ASPRV1: variants seen among roughly 807,000 people sequenced by gnomAD.
ASPRV1 encodes the protein aspartic peptidase retroviral like 1.
A neutral mutation model predicts 11.0 loss-of-function variants in ASPRV1; 7 were observed. The observed-to-expected ratio is 0.64, with a 90% CI of 0.36 to 1.20. The LOEUF is 1.20. ASPRV1 is among the 50% of genes most tolerant of loss of function. The pLI is 0.02. For missense variants in ASPRV1, 299 were observed against 320.0 expected, an observed-to-expected ratio of 0.93 and a Z score of 0.50; for synonymous variants, 136 against 138.4, an observed-to-expected ratio of 0.98 and a Z score of 0.12.
chr2:70,077,962 T>C, the ASPRV1 span, among the ~76,000 whole-genome samples: 2 of 151,416 alleles, frequency 1.3e-5, no homozygotes, highest in South Asian at 2.1e-4. Flanking sequence ...AGGTCAGGAG[T>C]TTGAGACCAG....
chr2:70,075,370 C>CAAAAAAAAAAAAAAAAAAAAAAAA, the ASPRV1 span: 1 of 134,782 alleles, frequency 7.4e-6, no homozygotes, highest in Non-Finnish European at 1.6e-5. Flanking sequence ...AAAAAAAAAG[C>CAAAAAAAAAAAAAAAAAAAAAAAA]AAGCATGAAC....
chr2:69,988,944 A>G, the ASPRV1 span: 1 of 317,466 alleles, frequency 3.1e-6, no homozygotes. Context: ...GTGTATTCTG[A>G]TAAAATTTTA....
chr2:70,017,271 G>A, the ASPRV1 span, among the ~76,000 whole-genome samples: 5 of 152,320 alleles, frequency 3.3e-5, no homozygotes, highest in South Asian at 1.0e-3. Flanking sequence ...GATTACAGGC[G>A]TGAGCCACCA....
the ASPRV1 span, among the ~76,000 whole-genome samples, chr2:69,972,632 A>G: frequency 6.6e-6 from 1 of 152,142 alleles, no homozygotes; most frequent in African/African-American, 2.4e-5. Flanking sequence ...TGCTGGGATT[A>G]CAGGCGTGAG....
chr2:69,963,172 G>A (rs762448155), upstream of ASPRV1: 6 of 430,818 alleles, frequency 1.4e-5, no homozygotes, highest in Admixed American at 2.5e-5. Context: ...GATTCAGTGA[G>A]CCAGCAGAGA....
the ASPRV1 span, chr2:70,050,803 T>A: frequency 1.3e-5 from 2 of 151,966 alleles, no homozygotes; most frequent in Non-Finnish European, 2.9e-5. Context: ...ATTAGCCAGG[T>A]GTGGTAGCAG....
chr2:69,961,154 G>A lies in ASPRV1; in HGVS notation c.283C>T (p.Pro95Ser), dbSNP rs1346871959. The change falls in exon 1 of 1, where the codon CCC (proline) becomes TCC (serine). Residue 95 changes from proline to serine, a missense_variant. Physicochemically the swap from Pro to Ser is moderately conservative, Grantham distance 74. Coordinates refer to ENST00000320256, the MANE Select transcript of ASPRV1 (RefSeq NM_152792.4). Reference sequence around the variant, plus strand: ...ACGATCTCTTTGGGCAGGTGGCTGGGGGCAGCCCCAGGGACCCCAAAGGCC... The same window carrying A: ...ACGATCTCTTTGGGCAGGTGGCTGGAGGCAGCCCCAGGGACCCCAAAGGCC... The part of the protein sequence containing the change: ...LKAFGVPGAA[P>S]SHLPKEIVFA... The A allele has an allele frequency of 1.5e-5, 25 of 1,613,852 alleles. No homozygotes were observed. The highest frequency in any genetic ancestry group is 2.1e-5 in the Non-Finnish European group (25 of 1,179,854).
chr2:70,072,090 C>T, the ASPRV1 span, among the ~76,000 whole-genome samples: 2 of 152,024 alleles, frequency 1.3e-5, no homozygotes, highest in African/African-American at 4.8e-5. Flanking sequence ...TAGGTAGGAT[C>T]ACAGATGTGA....
chr2:70,084,112 G>C, the ASPRV1 span, among the ~76,000 whole-genome samples: 1 of 152,196 alleles, frequency 6.6e-6, no homozygotes, highest in East Asian at 1.9e-4. Context: ...GCTGGGAAAG[G>C]GAAGGCTTCA....
At chr2:69,971,633 G>C in the ASPRV1 span, among the ~76,000 whole-genome samples, 4 of 152,264 alleles carry the variant, frequency 2.6e-5, no homozygotes, top group Non-Finnish European at 5.9e-5. Context: ...TCAACAGACA[G>C]TGCGGGGTGC....
the ASPRV1 span, among the ~76,000 whole-genome samples, chr2:69,984,240 T>TG: frequency 6.6e-6 from 1 of 152,266 alleles, no homozygotes; most frequent in East Asian, 1.9e-4. Flanking sequence ...GGTTTCACCA[T>TG]GTTGGCCAGG....
the ASPRV1 span, among the ~76,000 whole-genome samples, chr2:70,074,300 T>C: frequency 2.6e-5 from 4 of 151,404 alleles, no homozygotes; most frequent in African/African-American, 9.7e-5. Context: ...ACTGCTTTTT[T>C]TTTTTGGAGA....
the ASPRV1 span, among the ~76,000 whole-genome samples, chr2:69,972,426 C>T: frequency 6.6e-6 from 1 of 150,696 alleles, no homozygotes; most frequent in South Asian, 2.1e-4. Flanking sequence ...GGCGTGATCT[C>T]GGCTCACTGC....
the ASPRV1 span, among the ~76,000 whole-genome samples, chr2:70,025,998 C>T: frequency 6.6e-6 from 1 of 152,176 alleles, no homozygotes; most frequent in Non-Finnish European, 1.5e-5. Flanking sequence ...AGAGATGCCA[C>T]ATCATGGGCA....
chr2:70,077,836 CAA>C, the ASPRV1 span, among the ~76,000 whole-genome samples: 2 of 151,548 alleles, frequency 1.3e-5, no homozygotes, highest in African/African-American at 4.9e-5. Context: ...GCCTGGACAA[CAA>C]GAGCGAAACT....
the ASPRV1 span, among the ~76,000 whole-genome samples, chr2:70,072,410 C>T: frequency 6.6e-6 from 1 of 150,874 alleles, no homozygotes; most frequent in African/African-American, 2.4e-5. Context: ...AAAGCAAGAC[C>T]CTATCTCTTA....
At chr2:69,955,166 T>A (rs1308675262), downstream of ASPRV1, among the ~76,000 whole-genome samples, 1 of 152,224 alleles carries the variant, frequency 6.6e-6, no homozygotes, top group African/African-American at 2.4e-5. Context: ...TGGCGTCATG[T>A]CTGACAGCTG....
chr2:69,951,964 T>C, the ASPRV1 span, among the ~76,000 whole-genome samples: 1 of 151,900 alleles, frequency 6.6e-6, no homozygotes, highest in South Asian at 2.1e-4. Context: ...GTTGGTTACT[T>C]CAGCTTTTCA....
the ASPRV1 span, among the ~76,000 whole-genome samples, chr2:70,044,451 C>CA: frequency 6.6e-6 from 1 of 152,106 alleles, no homozygotes; most frequent in Non-Finnish European, 1.5e-5. Flanking sequence ...AAAAAGGAGA[C>CA]ACCTAATGTT....
Sources: gnomAD v4.1 joint callset for allele counts (sites outside exome capture counted in the v4.1 genomes callset) on GRCh38, gnomAD v4.1.1 for gene constraint, MANE v1.5 for transcripts, NCBI Gene and HGNC (gene_info 2026-07-23, HGNC 2026-07-21) for gene names.